THNSL2: variants seen among roughly 807,000 people sequenced by gnomAD.
The protein encoded by THNSL2 is threonine synthase-like 2.
Under a neutral mutation model 40.0 loss-of-function variants are expected in THNSL2, and 34 were observed. That is an observed-to-expected ratio of 0.85 (90% confidence interval 0.65 to 1.13). The LOEUF (loss-of-function observed/expected upper bound fraction) is 1.13. THNSL2 is among the 50% of genes most tolerant of loss of function. The pLI, the probability that THNSL2 is intolerant of heterozygous loss-of-function variation, is 0.00. For synonymous variants in THNSL2, 241 were observed against 247.5 expected (o/e 0.97, Z 0.25); for missense variants, 537 against 608.8 (o/e 0.88, Z 1.24).
Position 88,183,064 on chromosome 2 carries a change from GCAC to G in THNSL2, c.1069_1071del (p.His357del). 1 of 1,612,806 alleles carries G rather than the reference GCAC, an allele frequency of 6.2e-7. No individual in the cohort carries two copies. Among genetic ancestry groups the G allele is most frequent in the Non-Finnish European group, 8.5e-7 (1 of 1,179,830 alleles). ...AAAGTGTGAATCTGCCCAAGGAACT[GCAC>G]AGCAAGGTCAGTCACTACCCACACA... is the stretch of plus-strand genomic sequence containing the variant. On this transcript the variant is annotated inframe_deletion, in exon 7 of 9. Coordinates refer to ENST00000674334, the MANE Select transcript of THNSL2 (RefSeq NM_018271.5).
chr2:88,176,980 G>T (rs1677004126), intron 4 of THNSL2: 2 of 152,184 alleles, frequency 1.3e-5, no homozygotes, highest in African/African-American at 2.4e-5. Context: ...AGCGTTCTGT[G>T]CCTCTGTCCT....
At chr2:88,171,443 A>G (rs922817284) in intron 1 of THNSL2, 3 of 405,664 alleles carry the variant, frequency 7.4e-6, no homozygotes, top group Non-Finnish European at 1.5e-5. Context: ...CCACCCAGGG[A>G]AGGGCATTTG....
chr2:88,184,271 A>G (rs1678013399), intron 7 of THNSL2, among the ~76,000 whole-genome samples: 1 of 152,160 alleles, frequency 6.6e-6, no homozygotes, highest in Non-Finnish European at 1.5e-5. Context: ...ATGAAGACAG[A>G]CACCATACCT....
Position 88,173,376 on chromosome 2 carries a change from G to T in THNSL2, c.223+3G>T. The T allele has an allele frequency of 1.9e-6, 3 of 1,596,950 alleles. No individual in the cohort carries two copies. The highest frequency in any genetic ancestry group is 2.6e-6 in the Non-Finnish European group (3 of 1,172,218). ...CCTTCCAAAAGATGAATTAAATGGT[G>T]AGTGCTCCCACCTGTACTTTCACTC... On this transcript the variant is annotated splice_donor_region_variant and intron_variant, in intron 2 of 8. Transcript: ENST00000674334.
chr2:88,184,590 C>T (rs74796327), intron 7 of THNSL2, among the ~76,000 whole-genome samples: 22,459 of 149,804 alleles, frequency 0.15, 2,287 homozygotes, highest in East Asian at 0.54. Flanking sequence ...CATGGTGAAA[C>T]CCCGTCTCTA....
chr2:88,179,689 T>C lies in THNSL2; in HGVS notation c.802+676T>C, dbSNP rs183774173. 5.3e-5 allele frequency among the ~76,000 whole-genome samples: 8 copies of C among 152,360 alleles called. No individual in the cohort carries two copies. The East Asian group carries it at 1.5e-3, about 29-fold the overall frequency. On this transcript the variant is annotated intron_variant, in intron 5 of 8. Transcript: ENST00000674334. ...AATCATTTTCTCTAATAATCATTAA[T>C]ATTTATCAAGCACTTAGTATGCAAC...
rs1420699376 is a variant in THNSL2, at chr2:88,185,376, C to G, written c.1126C>G (p.Gln376Glu). ...GTCAGTGTCGGATGAAGCCATCACC[C>G]AGACCATGGGCCGCTGCTGGGATGA... Reference protein sequence around the residue: ...SVSVSDEAITQTMGRCWDENQ... With the variant: ...SVSVSDEAITETMGRCWDENQ... Residue 376 changes from glutamine (Q) to glutamate (E), a missense_variant, in exon 8 of 9, where the codon CAG becomes GAG. By Grantham distance (29) the Gln-to-Glu change is conservative. Coordinates refer to ENST00000674334, the MANE Select transcript of THNSL2 (RefSeq NM_018271.5). 1.2e-6 allele frequency: 2 copies of G among 1,614,086 alleles called. No individual in the cohort carries two copies. Among genetic ancestry groups the G allele is most frequent in the South Asian group, 1.1e-5 (1 of 91,076 alleles).
chr2:88,181,743 C>G (rs943907679), intron 5 of THNSL2, among the ~76,000 whole-genome samples: 2 of 152,002 alleles, frequency 1.3e-5, no homozygotes, highest in African/African-American at 2.4e-5. Flanking sequence ...AAAAAGAAAC[C>G]CTGTACCCAT....
chr2:88,179,793 G>A (rs1677335339), intron 5 of THNSL2, among the ~76,000 whole-genome samples: 1 of 152,152 alleles, frequency 6.6e-6, no homozygotes, highest in South Asian at 2.1e-4. Flanking sequence ...TTATAATGAG[G>A]GAACAAAGGC....
chr2:88,180,022 A>G (rs1350804509), intron 5 of THNSL2, among the ~76,000 whole-genome samples: 1 of 152,214 alleles, frequency 6.6e-6, no homozygotes, highest in Non-Finnish European at 1.5e-5. Context: ...AAGGGTGGAG[A>G]GAACAGCGGG....
At chr2:88,172,994 C>A (rs1030123404) in intron 1 of THNSL2, 145 bp from the exon 2 acceptor site, 1 of 464,550 alleles carries the variant, frequency 2.2e-6, no homozygotes. Flanking sequence ...AGACTTGATA[C>A]AGGACTGCCA....
At position 88,181,040 on chromosome 2, in the gene THNSL2, C is replaced by G. The variant is rs375443934; in HGVS notation, c.803-1659C>G. 2.0e-5 allele frequency among the ~76,000 whole-genome samples: 3 copies of G among 152,034 alleles called. No individual in the cohort carries two copies. The South Asian group carries it at 6.3e-4, about 32-fold the overall frequency. On this transcript the variant is annotated intron_variant, in intron 5 of 8. Transcript: ENST00000674334. ...TTTGGCAGCTGGCAGGGGGTTGACA[C>G]ATAAAACAGCCTCAGGGCTGGTGAT...
At chr2:88,174,882 G>A in intron 3 of THNSL2, 49 bp downstream of exon 3, 1 of 1,592,990 alleles carries the variant, frequency 6.3e-7, no homozygotes, top group Non-Finnish European at 8.6e-7. Flanking sequence ...TGTGACTGTA[G>A]GGTGTCCACC....
chr2:88,174,360 TCAAA>T (rs1370809941), intron 2 of THNSL2, among the ~76,000 whole-genome samples: 1 of 147,516 alleles, frequency 6.8e-6, no homozygotes, highest in Non-Finnish European at 1.5e-5. Flanking sequence ...CACGAGACAG[TCAAA>T]CAATGAAGAA....
intron 4 of THNSL2, chr2:88,176,078 G>C (rs1676906587): frequency 6.6e-6 from 1 of 152,292 alleles, no homozygotes; most frequent in Non-Finnish European, 1.5e-5. Context: ...CTGGGCAGCA[G>C]AGTGAGACCC....
At chr2:88,175,550 C>T (rs2104162241) in intron 4 of THNSL2, 149 bp downstream of exon 4, 1 of 988,590 alleles carries the variant, frequency 1.0e-6, no homozygotes, top group Non-Finnish European at 1.5e-6. Context: ...TATGCCTTGG[C>T]TCAGCTCTGG....
intron 5 of THNSL2, among the ~76,000 whole-genome samples, chr2:88,182,079 A>G (rs1044470382): frequency 1.3e-5 from 2 of 152,198 alleles, no homozygotes; most frequent in Admixed American, 1.3e-4. Flanking sequence ...ACATTTGTGT[A>G]CAAGTTTTCA....
intron 3 of THNSL2, 107 bp downstream of exon 3, chr2:88,174,940 T>A (rs981608204): frequency 7.6e-7 from 1 of 1,324,332 alleles, no homozygotes. Flanking sequence ...GTACTGGTTC[T>A]TCCAGAGCAA....
At chr2:88,178,482 A>G (rs1416110775) in intron 4 of THNSL2, among the ~76,000 whole-genome samples, 1 of 152,202 alleles carries the variant, frequency 6.6e-6, no homozygotes, top group Non-Finnish European at 1.5e-5. Context: ...GAAGGTTGCC[A>G]TTTGCTATCT....
Sources: allele counts gnomAD v4.1 joint callset (sites outside exome capture counted in the v4.1 genomes callset), GRCh38; gene constraint gnomAD v4.1.1; transcripts MANE v1.5; gene names NCBI Gene and HGNC (gene_info 2026-07-23, HGNC 2026-07-21).